RAB2A: variants seen among roughly 807,000 people sequenced by gnomAD.
The protein encoded by RAB2A is RAB2A, member RAS oncogene family, also known as ras-related protein Rab-2A.
Under a neutral mutation model 32.5 loss-of-function variants are expected in RAB2A, and 7 were observed. That is an observed-to-expected ratio of 0.22 (90% CI 0.12 to 0.40). The LOEUF (loss-of-function observed/expected upper bound fraction) is 0.40, where lower values mean the gene tolerates loss of function less well. RAB2A is among the 10% of genes least tolerant of loss of function. The pLI is 1.00. For missense variants in RAB2A, 108 were observed against 260.7 expected, an observed-to-expected ratio of 0.41 and a Z score of 4.03; for synonymous variants, 79 against 85.2, an observed-to-expected ratio of 0.93 and a Z score of 0.40.
At chr8:60,620,448 G>T (rs545303289) in intron 7 of RAB2A, among the ~76,000 whole-genome samples, 1 of 152,154 alleles carries the variant, frequency 6.6e-6, no homozygotes. Context: ...TGTTTACCCC[G>T]TACCTGGTAT....
intron 6 of RAB2A, among the ~76,000 whole-genome samples, chr8:60,601,732 A>C (rs1290279548): frequency 1.3e-5 from 2 of 152,234 alleles, no homozygotes; most frequent in African/African-American, 4.8e-5. Flanking sequence ...TAGAAGAAAA[A>C]CCGCATTCAT....
chr8:60,580,801 A>T (rs191888225), intron 3 of RAB2A, among the ~76,000 whole-genome samples: 1 of 151,850 alleles, frequency 6.6e-6, no homozygotes, highest in African/African-American at 2.4e-5. Context: ...TTTGTCTTTT[A>T]CTCTTTACTA....
intron 3 of RAB2A, among the ~76,000 whole-genome samples, chr8:60,578,460 G>C (rs1302156168): frequency 6.6e-6 from 1 of 152,338 alleles, no homozygotes; most frequent in East Asian, 1.9e-4. Context: ...GATAGGTGGA[G>C]AGAGAAGAAA....
chr8:60,604,102 A>C (rs750491429), intron 6 of RAB2A, among the ~76,000 whole-genome samples: 1 of 152,162 alleles, frequency 6.6e-6, no homozygotes, highest in Non-Finnish European at 1.5e-5. Context: ...GATAGTTCTA[A>C]TGAGATCTGA....
intron 1 of RAB2A, among the ~76,000 whole-genome samples, chr8:60,554,001 G>T (rs964400545): frequency 6.6e-6 from 1 of 152,190 alleles, no homozygotes; most frequent in African/African-American, 2.4e-5. Flanking sequence ...ATGGTTTGTT[G>T]TTGCTAACTA....
At chr8:60,550,160 A>G (rs1375833176) in intron 1 of RAB2A, among the ~76,000 whole-genome samples, 5 of 152,168 alleles carry the variant, frequency 3.3e-5, no homozygotes, top group Non-Finnish European at 7.4e-5. Context: ...TCCACTCTCA[A>G]TCTGCTCTAC....
chr8:60,577,614 A>T (rs1803659843), intron 3 of RAB2A, among the ~76,000 whole-genome samples: 1 of 150,684 alleles, frequency 6.6e-6, no homozygotes, highest in Non-Finnish European at 1.5e-5. Context: ...CAGTTCCTTG[A>T]TAGAGGTCTA....
chr8:60,534,117 A>G (rs1807522425), intron 1 of RAB2A, among the ~76,000 whole-genome samples: 1 of 152,210 alleles, frequency 6.6e-6, no homozygotes, highest in African/African-American at 2.4e-5. Flanking sequence ...AAAAATATGT[A>G]CGAAGTTCTA....
chr8:60,561,215 TACTGTAACC>T (rs1808020331), intron 2 of RAB2A, among the ~76,000 whole-genome samples: 1 of 152,204 alleles, frequency 6.6e-6, no homozygotes, highest in African/African-American at 2.4e-5. Context: ...GCTTGCTCTT[TACTGTAACC>T]AAGTCCCTAC....
rs1328417562 is a variant in RAB2A at position 60,591,867 on chromosome 8, A to G, written c.372A>G (p.Glu124=). ...IMLIGNKSDL[E]SRREVKKEEG... ...TCTTTCCCATGTTTAGTGATTTAGA[A>G]TCTAGAAGAGAAGTAAAAAAAGAAG... The change falls in exon 6 of 8, where the codon GAA becomes GAG. Residue 124 remains glutamate, a synonymous_variant. Coordinates refer to ENST00000262646, the MANE Select transcript of RAB2A (RefSeq NM_002865.3). 1.9e-6 allele frequency: 3 copies of G among 1,603,924 alleles called. No homozygotes were observed. The highest frequency in any genetic ancestry group is 2.6e-6 in the Non-Finnish European group (3 of 1,171,460).
chr8:60,544,061 CAAAAAA>C (rs532347157), intron 1 of RAB2A, among the ~76,000 whole-genome samples: 1 of 93,754 alleles, frequency 1.1e-5, no homozygotes. Context: ...GACTCCGTCT[CAAAAAA>C]AAAAAAAAAA....
intron 2 of RAB2A, among the ~76,000 whole-genome samples, chr8:60,560,722 G>C (rs926077084): frequency 6.7e-6 from 1 of 149,370 alleles, no homozygotes; most frequent in Non-Finnish European, 1.5e-5. Flanking sequence ...GAAACACTAT[G>C]AGATTTTTTT....
At chr8:60,597,690 A>G (rs889382250) in intron 6 of RAB2A, among the ~76,000 whole-genome samples, 1 of 152,242 alleles carries the variant, frequency 6.6e-6, no homozygotes, top group African/African-American at 2.4e-5. Flanking sequence ...AATAGAAAGG[A>G]GGGAATATTA....
chr8:60,528,830 C>A (rs1403720800), intron 1 of RAB2A, among the ~76,000 whole-genome samples: 1 of 152,128 alleles, frequency 6.6e-6, no homozygotes, highest in East Asian at 1.9e-4. Flanking sequence ...CCGCCTCAGC[C>A]CCCCGAAAGT....
At chr8:60,574,472 C>CTAAA (rs1347454689) in intron 3 of RAB2A, among the ~76,000 whole-genome samples, 2 of 152,304 alleles carry the variant, frequency 1.3e-5, no homozygotes, top group Admixed American at 1.3e-4. Context: ...GAGATATCTA[C>CTAAA]TAAAGTACAT....
rs777621349 is a variant in RAB2A, at chr8:60,605,852, T to TATATATATATATATATATAA, written c.475-12727_475-12726insTATATATATATATATATAAA. Among the ~76,000 whole-genome samples the TATATATATATATATATATAA allele has an allele frequency of 2.0e-3, 289 of 144,724 alleles. 5 individuals carry two copies. The East Asian group carries it at 0.027, about 13-fold the overall frequency. The allele number at this position is 144,724 out of a possible 152,430, so 94.9% of individuals were successfully genotyped here. On this transcript the variant is annotated intron_variant, in intron 6 of 7. Coordinates refer to ENST00000262646, the MANE Select transcript of RAB2A (RefSeq NM_002865.3). ...TAATACATATATACATATATATATA[T>TATATATATATATATATATAA]AATGCTTCATTTCAAGCTGGGGGTG...
At chr8:60,557,786 G>C (rs932093731) in intron 1 of RAB2A, among the ~76,000 whole-genome samples, 4 of 151,622 alleles carry the variant, frequency 2.6e-5, no homozygotes, top group Non-Finnish European at 5.9e-5. Flanking sequence ...TGCCCAGGCT[G>C]GTCTTGAACT....
chr8:60,568,169 T>C lies in RAB2A; in HGVS notation c.119-3877T>C, dbSNP rs80090824. On this transcript the variant is annotated intron_variant, in intron 2 of 7. Transcript: ENST00000262646. ...ATGTTACCATGCTGGTAAGGAAGGCTGTTTGCTCTACACCTAGCTGTGCTC... is the reference window on the plus strand; with the variant it reads ...ATGTTACCATGCTGGTAAGGAAGGCCGTTTGCTCTACACCTAGCTGTGCTC... 4.9e-3 allele frequency among the ~76,000 whole-genome samples: 746 copies of C among 152,320 alleles called. 7 individuals carry two copies. The highest frequency in any genetic ancestry group is 0.017 in the African/African-American group (693 of 41,572).
At chr8:60,548,425 CCGGGCAGAG>C (rs1220125224) in intron 1 of RAB2A, among the ~76,000 whole-genome samples, 1 of 58,828 alleles carries the variant, frequency 1.7e-5, no homozygotes. Context: ...GGGCGGCTGG[CCGGGCAGAG>C]TGGCTCCTCA....
Sources: gnomAD v4.1 joint callset for allele counts (sites outside exome capture counted in the v4.1 genomes callset) on GRCh38, gnomAD v4.1.1 for gene constraint, MANE v1.5 for transcripts, NCBI Gene and HGNC (gene_info 2026-07-23, HGNC 2026-07-21) for gene names.